The following DIP2A variants were observed in gnomAD, a reference collection of about 807,000 sequenced individuals.
DIP2A encodes disco-interacting protein 2 homolog A.
In DIP2A, 85 loss-of-function variants were observed where a neutral mutation model predicts 177.4. The ratio of observed to expected loss-of-function variants is 0.48; its 90% CI spans 0.40 to 0.57. The LOEUF (loss-of-function observed/expected upper bound fraction) is 0.57. Among genes scored for constraint, DIP2A ranks in the 20% least tolerant of loss-of-function variants. DIP2A has a pLI of 0.00. For synonymous variants in DIP2A, 886 were observed against 881.8 expected, an observed-to-expected ratio of 1.00 and a Z score of -0.08; for missense variants, 1,791 against 2,100.2, an observed-to-expected ratio of 0.85 and a Z score of 2.88.
In DIP2A at chr21:46,551,777, T is replaced by C. The variant is rs779708147; in HGVS notation, c.2949+34T>C. On this transcript the variant is annotated intron_variant, in intron 24 of 37. Transcript: ENST00000417564. ...CCAGTTCCGGGGACGGGTGGACGGG[T>C]GTCTGTGCCCCGGAGGCGCCAGTGA... 28 of 1,613,220 alleles carry C rather than the reference T, an allele frequency of 1.7e-5. No homozygotes were observed. In the Admixed American group the frequency reaches 1.8e-4, roughly 11 times the overall value.
intron 5 of DIP2A, among the ~76,000 whole-genome samples, chr21:46,502,465 T>G (rs1334937532): frequency 1.3e-5 from 1 of 76,160 alleles, no homozygotes; most frequent in African/African-American, 5.3e-5. Context: ...TTTTTTTTTT[T>G]GTGACAGGGT....
At chr21:46,570,188 T>C (rs1038963173), downstream of DIP2A, among the ~76,000 whole-genome samples, 4 of 152,170 alleles carry the variant, frequency 2.6e-5, no homozygotes, top group African/African-American at 4.8e-5. Flanking sequence ...TCAGTTCTTA[T>C]AGGTAGAGTG....
In DIP2A at chr21:46,537,344, AG is replaced by A. The variant is rs1442714390; in HGVS notation, c.1707+57del. ...GGAACAAGGGATTGAGATGAACCCA[AG>A]CCTCTGCCTGAAATGTTGTTGGGAG... On this transcript the variant is annotated intron_variant, in intron 14 of 37. Transcript: ENST00000417564. This position sits in a 1 kb window ranked among gnomAD's most constrained non-coding sequence, Gnocchi z 4.1. The A allele has an allele frequency of 1.9e-6, 3 of 1,611,766 alleles. No homozygotes were observed. In the African/African-American group the frequency reaches 4.0e-5, roughly 22 times the overall value.
At chr21:46,540,973 C>T (rs1431580036) in intron 17 of DIP2A, among the ~76,000 whole-genome samples, 1 of 150,318 alleles carries the variant, frequency 6.7e-6, no homozygotes, top group Non-Finnish European at 1.5e-5. Context: ...CAAGATCATG[C>T]CATTGCACTC....
intron 18 of DIP2A, among the ~76,000 whole-genome samples, chr21:46,544,085 AT>A (rs1477172392): frequency 6.6e-6 from 1 of 152,128 alleles, no homozygotes; most frequent in Non-Finnish European, 1.5e-5. Context: ...CAGCCCATTC[AT>A]TTGTGCATCT....
intron 1 of DIP2A, among the ~76,000 whole-genome samples, chr21:46,465,857 A>G (rs545256367): frequency 6.6e-6 from 1 of 152,340 alleles, no homozygotes; most frequent in African/African-American, 2.4e-5. Context: ...GCAATTGTGT[A>G]GTTTGAGTTG....
intron 16 of DIP2A, chr21:46,539,612 A>G (rs1396003472): frequency 1.2e-4 from 57 of 476,072 alleles, no homozygotes; most frequent in South Asian, 9.7e-4. Context: ...CTCCCACCAC[A>G]TGCAGCACCT....
In DIP2A at chr21:46,532,294, G is replaced by A. The variant is rs1382194165; in HGVS notation, c.1305+57G>A. 17 of 1,408,210 alleles carry A rather than the reference G, an allele frequency of 1.2e-5. No individual in the cohort carries two copies. The East Asian group carries it at 3.9e-4, about 33-fold the overall frequency. The allele number at this position is 1,408,210 out of a possible 1,614,324, so 87.2% of individuals were successfully genotyped here. ...TTCGCTTCTGAACTTGATACCAGCA[G>A]TATCTTACTTCCTTTTCACTCATGT... On this transcript the variant is annotated intron_variant, in intron 10 of 37. Coordinates refer to ENST00000417564, the MANE Select transcript of DIP2A (RefSeq NM_015151.4).
intron 2 of DIP2A, among the ~76,000 whole-genome samples, chr21:46,487,990 T>A (rs928912923): frequency 6.6e-6 from 1 of 152,106 alleles, no homozygotes; most frequent in Non-Finnish European, 1.5e-5. Flanking sequence ...GTTCTGAGAG[T>A]AGCCCATCAA....
At position 46,484,878 on chromosome 21, in the gene DIP2A, CAT is replaced by C. The variant is rs534623367; in HGVS notation, c.163+51_163+52del. The stretch of plus-strand genomic sequence containing the variant: ...ACATAGCAATTATATTGTTTCATAA[CAT>C]GTGATTTTTAAATTGTTTTTAGAGT... On this transcript the variant is annotated intron_variant, in intron 2 of 37. Coordinates refer to ENST00000417564, the MANE Select transcript of DIP2A (RefSeq NM_015151.4). 1,113 of 1,464,168 alleles carry C rather than the reference CAT, an allele frequency of 7.6e-4. 2 individuals carry two copies. Among genetic ancestry groups the C allele is most frequent in the Non-Finnish European group, 8.8e-4 (961 of 1,096,642 alleles). The allele number at this position is 1,464,168 out of a possible 1,614,324, so 90.7% of individuals were successfully genotyped here.
rs2057484158 is a variant in DIP2A, at chr21:46,498,615, T to A, written c.437T>A (p.Leu146Ter). Residue 146 changes from leucine (L) to a stop codon, truncating the protein, a stop_gained, in exon 5 of 38, where the codon TTA (leucine) becomes TAA (stop). Transcript: ENST00000417564. LOFTEE classifies it high-confidence loss of function. The surrounding 1 kb of genome is among the most constrained non-coding windows in gnomAD (Gnocchi z 4.3). Reference protein sequence around the residue: ...TSSASEDEGSLRRPGRLTSTP... With the variant: ...TSSASEDEGS Reference sequence around the variant, plus strand: ...TCTGCCTCAGAAGATGAGGGCTCTTTACGGCGACCCGGGCGACTCACCTCC... The same window carrying A: ...TCTGCCTCAGAAGATGAGGGCTCTTAACGGCGACCCGGGCGACTCACCTCC... 6.2e-7 allele frequency: 1 copy of A among 1,612,498 alleles called. No individual in the cohort carries two copies. The highest frequency in any genetic ancestry group is 8.5e-7 in the Non-Finnish European group (1 of 1,179,264).
In DIP2A at chr21:46,557,025, C is replaced by G; in HGVS notation, c.3585C>G (p.Leu1195=). Residue 1195 remains leucine, a synonymous_variant, in exon 30 of 38, where the codon CTC becomes CTG. Transcript: ENST00000417564. The surrounding 1 kb of genome is among the most constrained non-coding windows in gnomAD (Gnocchi z 6.0). ...CCTCGCGGCAGATCGCCATCTGCCT[C>G]GACCCCTACTGTGGCCTTGGTTTTG... ...LYPSRQIAIC[L]DPYCGLGFAL... 1 of 1,604,100 alleles carries G rather than the reference C, an allele frequency of 6.2e-7. No individual in the cohort carries two copies. Among genetic ancestry groups the G allele is most frequent in the Non-Finnish European group, 8.5e-7 (1 of 1,175,510 alleles).
rs1055223663 is a variant in DIP2A, at chr21:46,538,889, T to C, written c.1921+287T>C. On this transcript the variant is annotated intron_variant, in intron 16 of 37. Coordinates refer to ENST00000417564, the MANE Select transcript of DIP2A (RefSeq NM_015151.4). ...GAAATTACCAGATTGTGCTGTGGCC[T>C]GGGGTTCCTGTTTCTCTTTAGGCCT... 9.4e-5 allele frequency: 33 copies of C among 349,636 alleles called. 1 individual carries two copies. The highest frequency in any genetic ancestry group is 2.3e-4 in the Admixed American group (5 of 21,754). The allele number at this position is 349,636 out of a possible 1,614,324, so 21.7% of individuals were successfully genotyped here. A position where few individuals can be genotyped will look rare whatever the true frequency, so the allele number is the denominator to read the frequency against.
At chr21:46,561,615 T>G in intron 33 of DIP2A, 133 bp from the exon 34 acceptor site, 2 of 1,175,072 alleles carry the variant, frequency 1.7e-6, no homozygotes, top group Non-Finnish European at 1.3e-6. Context: ...GCAGGTGTGC[T>G]GTGGAAAGGT....
chr21:46,534,784 C>T (rs2059494484), intron 13 of DIP2A, 97 bp downstream of exon 13: 1 of 1,067,262 alleles, frequency 9.4e-7, no homozygotes, highest in Non-Finnish European at 1.4e-6. Context: ...GTCAAAACCA[C>T]CCCTGGGTAG....
intron 4 of DIP2A, among the ~76,000 whole-genome samples, chr21:46,497,925 G>A (rs1200664132): frequency 1.3e-5 from 2 of 152,164 alleles, no homozygotes; most frequent in Non-Finnish European, 2.9e-5. Flanking sequence ...TTAAAATAAT[G>A]TTTTAATAAT....
At chr21:46,490,978 T>A (rs1377479201) in intron 3 of DIP2A, among the ~76,000 whole-genome samples, 1 of 152,228 alleles carries the variant, frequency 6.6e-6, no homozygotes, top group Non-Finnish European at 1.5e-5. Context: ...AGAGAAGTCT[T>A]CTTCTCACTC....
intron 8 of DIP2A, among the ~76,000 whole-genome samples, chr21:46,511,976 A>G (rs2058334128): frequency 6.6e-6 from 1 of 152,118 alleles, no homozygotes; most frequent in Non-Finnish European, 1.5e-5. Context: ...AATAGTAAGC[A>G]TATATACAAC....
intron 1 of DIP2A, among the ~76,000 whole-genome samples, chr21:46,460,710 T>C (rs1405169436): frequency 6.6e-6 from 1 of 152,142 alleles, no homozygotes; most frequent in African/African-American, 2.4e-5. Flanking sequence ...TTTTTTTTTT[T>C]TGAGACGGAG....
Sources: gnomAD v4.1 joint callset for allele counts (sites outside exome capture counted in the v4.1 genomes callset) on GRCh38, gnomAD v4.1.1 for gene constraint, Gnocchi (gnomAD v3.1) non-coding constraint, MANE v1.5 for transcripts, NCBI Gene and HGNC (gene_info 2026-07-23, HGNC 2026-07-21) for gene names.